The following VWDE variants were observed in gnomAD, a reference collection of about 807,000 sequenced individuals.
VWDE encodes the protein von Willebrand factor D and EGF domains.
Under a neutral mutation model 178.4 loss-of-function variants are expected in VWDE, and 207 were observed. The observed-to-expected ratio is 1.16, with a 90% CI of 1.04 to 1.30. The LOEUF (loss-of-function observed/expected upper bound fraction) is 1.30, where lower values mean the gene tolerates loss of function less well. Among genes scored for constraint, VWDE ranks in the 50% most tolerant of loss-of-function variants. The probability of loss-of-function intolerance (pLI) is 0.00; values close to 1 mark genes in which losing one functional copy is unlikely to be tolerated. For synonymous variants in VWDE, 738 were observed against 651.4 expected, an observed-to-expected ratio of 1.13 and a Z score of -2.02; for missense variants, 2,287 against 1,901.3, an observed-to-expected ratio of 1.20 and a Z score of -3.77.
intron 24 of VWDE, among the ~76,000 whole-genome samples, chr7:12,339,081 G>C (rs1275010479): frequency 2.6e-5 from 4 of 151,176 alleles, no homozygotes; most frequent in African/African-American, 9.9e-5. Flanking sequence ...CTGAGGCATG[G>C]AGCCTTCAAG....
intron 13 of VWDE, among the ~76,000 whole-genome samples, chr7:12,362,024 G>C (rs993487532): frequency 2.0e-5 from 3 of 151,918 alleles, no homozygotes; most frequent in Admixed American, 1.3e-4. Flanking sequence ...CCTAAGCTAG[G>C]CCAATATTTC....
chr7:12,375,210 A>T lies in VWDE; in HGVS notation c.1042T>A (p.Leu348Ile). Residue 348 changes from leucine (L) to isoleucine (I), a missense_variant, in exon 8 of 29, where the codon TTA (leucine) becomes ATA (isoleucine). Coordinates refer to ENST00000275358, the MANE Select transcript of VWDE (RefSeq NM_001135924.3). ...TIGQGREHLG[L>I]NLALSSCHVD... is the part of the protein sequence containing the mutation. ...TGACAGGAAGACAGTGCCAAATTTAAGCCTAGGTGCTCTCTACCTATTTAA... is the reference window on the plus strand; with the variant it reads ...TGACAGGAAGACAGTGCCAAATTTATGCCTAGGTGCTCTCTACCTATTTAA... 1 of 1,551,012 alleles carries T rather than the reference A, an allele frequency of 6.4e-7. No homozygotes were observed. The highest frequency in any genetic ancestry group is 8.7e-7 in the Non-Finnish European group (1 of 1,146,468).
intron 28 of VWDE, 146 bp downstream of exon 28, chr7:12,333,319 G>C: frequency 1.7e-6 from 1 of 587,856 alleles, no homozygotes; most frequent in Non-Finnish European, 2.9e-6. Flanking sequence ...ACACAAAAAT[G>C]ATACAATTTT....
rs1451824944 is a variant in VWDE, at chr7:12,342,113, T to C, written c.4216A>G (p.Thr1406Ala). 1 of 1,551,564 alleles carries C rather than the reference T, an allele frequency of 6.4e-7. No homozygotes were observed. Among genetic ancestry groups the C allele is most frequent in the Admixed American group, 2.0e-5 (1 of 50,994 alleles). ...GGTTTGCACTGGCAAATATCTGGTG[T>C]AAGACACTGGCCTCCATTTTCACAG... ...RHCENGGQCL[T>A]PDICQCKPGW... The change falls in exon 23 of 29, where the codon ACA becomes GCA. Residue 1406 changes from threonine to alanine, a missense_variant. Transcript: ENST00000275358.
chr7:12,383,443 A>G lies in VWDE; in HGVS notation c.541+93T>C, dbSNP rs561145141. On this transcript the variant is annotated intron_variant, in intron 4 of 28. Coordinates refer to ENST00000275358, the MANE Select transcript of VWDE (RefSeq NM_001135924.3). ...GACTTTGGTTATATCAAATATCAAT[A>G]TAATTCAACATCCAAAGCTGCAGAA... 228 of 1,029,728 alleles carry G rather than the reference A, an allele frequency of 2.2e-4. 1 individual carries two copies. Among genetic ancestry groups the G allele is most frequent in the Non-Finnish European group, 3.2e-4 (222 of 688,502 alleles). 63.8% of individuals were successfully genotyped at this position (1,029,728 alleles called of 1,614,324 possible).
intron 13 of VWDE, among the ~76,000 whole-genome samples, chr7:12,363,732 T>C (rs553607421): frequency 6.6e-6 from 1 of 152,172 alleles, no homozygotes; most frequent in South Asian, 2.1e-4. Context: ...AACAATTCTA[T>C]GTGCATACCT....
intron 5 of VWDE, among the ~76,000 whole-genome samples, chr7:12,379,850 T>G (rs567019128): frequency 8.5e-4 from 130 of 152,214 alleles, no homozygotes; most frequent in Admixed American, 4.4e-3. Context: ...ATCCCAGCAC[T>G]TTGGGAGGCC....
At chr7:12,334,788 T>C (rs1281589795) in intron 27 of VWDE, among the ~76,000 whole-genome samples, 1 of 152,200 alleles carries the variant, frequency 6.6e-6, no homozygotes, top group Non-Finnish European at 1.5e-5. Flanking sequence ...TAATATGCTT[T>C]TAACATCTTC....
intron 19 of VWDE, among the ~76,000 whole-genome samples, chr7:12,348,307 A>C (rs933746791): frequency 6.7e-6 from 1 of 149,254 alleles, no homozygotes; most frequent in African/African-American, 2.5e-5. Context: ...AATGGGAGAA[A>C]ATTTTTGCAA....
chr7:12,333,352 CT>C (rs1195585690), intron 28 of VWDE, 112 bp downstream of exon 28: 12 of 699,270 alleles, frequency 1.7e-5, no homozygotes, highest in Middle Eastern at 3.7e-4. Flanking sequence ...CAAATAAATG[CT>C]TTTTTTATTT....
chr7:12,399,142 T>A (rs1303534512), intron 1 of VWDE, among the ~76,000 whole-genome samples: 2 of 152,180 alleles, frequency 1.3e-5, no homozygotes, highest in Non-Finnish European at 2.9e-5. Flanking sequence ...ACTAGTTTGC[T>A]AAATCACTTT....
chr7:12,388,548 T>G (rs1784217221), intron 3 of VWDE, among the ~76,000 whole-genome samples: 1 of 152,216 alleles, frequency 6.6e-6, no homozygotes, highest in African/African-American at 2.4e-5. Flanking sequence ...TATTTAATTA[T>G]CTACTCATAC....
Position 12,375,933 on chromosome 7 carries a change from A to T in VWDE, c.1025-706T>A, listed in dbSNP as rs539538142. Among the ~76,000 whole-genome samples, 6 of 152,230 alleles carry T rather than the reference A, an allele frequency of 3.9e-5. 1 individual carries two copies. In the South Asian group the frequency reaches 1.0e-3, roughly 26 times the overall value. On this transcript the variant is annotated intron_variant, in intron 7 of 28. Transcript: ENST00000275358. ...AACAAAAAGAACAGATTTGCCCCCA[A>T]AATTGGTCAGAGAGGAAGTATGCTA...
At chr7:12,347,884 C>T (rs968151897) in intron 19 of VWDE, among the ~76,000 whole-genome samples, 6 of 152,010 alleles carry the variant, frequency 3.9e-5, no homozygotes, top group Non-Finnish European at 7.3e-5. Context: ...AGATATAGAT[C>T]AATAGAACAG....
chr7:12,365,219 G>A (rs1002443697), intron 13 of VWDE, among the ~76,000 whole-genome samples: 2 of 151,966 alleles, frequency 1.3e-5, no homozygotes, highest in Non-Finnish European at 2.9e-5. Context: ...TTATTAGTTG[G>A]ACAACTGGTA....
At chr7:12,336,056 T>C (rs1781006676) in intron 27 of VWDE, 85 bp downstream of exon 27, 4 of 1,214,010 alleles carry the variant, frequency 3.3e-6, no homozygotes, top group East Asian at 5.3e-5. Context: ...TTCCCCCTTA[T>C]GGACTTGTCC....
chr7:12,352,673 C>T (rs541384609), intron 18 of VWDE, among the ~76,000 whole-genome samples: 1 of 152,114 alleles, frequency 6.6e-6, no homozygotes, highest in South Asian at 2.1e-4. Context: ...GAGAATTCCC[C>T]TTACCATCCT....
chr7:12,399,932 AACTTT>A (rs1278025922), intron 1 of VWDE, among the ~76,000 whole-genome samples: 2 of 152,176 alleles, frequency 1.3e-5, no homozygotes, highest in Non-Finnish European at 2.9e-5. Context: ...AAATTTAAAA[AACTTT>A]ACAAATATGT....
intron 19 of VWDE, among the ~76,000 whole-genome samples, chr7:12,351,333 C>T (rs1404517966): frequency 3.3e-5 from 5 of 152,088 alleles, no homozygotes; most frequent in African/African-American, 1.2e-4. Context: ...CCATAAGCTT[C>T]TCCGAAATCA....
Sources: gnomAD v4.1 joint callset for allele counts (sites outside exome capture counted in the v4.1 genomes callset) on GRCh38, gnomAD v4.1.1 for gene constraint, MANE v1.5 for transcripts, NCBI Gene and HGNC (gene_info 2026-07-23, HGNC 2026-07-21) for gene names.